Variants in XRCC4 observed in about 807,000 individuals in gnomAD.
XRCC4 encodes X-ray repair cross complementing 4, also known as DNA repair protein XRCC4.
Under a neutral mutation model 39.1 loss-of-function variants are expected in XRCC4, and 28 were observed. That is an observed-to-expected ratio of 0.72 (90% confidence interval 0.53 to 0.98). The LOEUF (loss-of-function observed/expected upper bound fraction) is 0.98. Ranked by LOEUF, XRCC4 falls within the 50% of genes least tolerant of loss-of-function variation. XRCC4 has a pLI of 0.00. For missense variants in XRCC4, 350 were observed against 376.4 expected, an observed-to-expected ratio of 0.93 and a Z score of 0.58; for synonymous variants, 123 against 126.4, an observed-to-expected ratio of 0.97 and a Z score of 0.18.
chr5:83,265,092 T>A (rs1753909455), intron 7 of XRCC4, among the ~76,000 whole-genome samples: 1 of 152,154 alleles, frequency 6.6e-6, no homozygotes, highest in African/African-American at 2.4e-5. Flanking sequence ...AAGAATTTAT[T>A]TTCATACCTT....
intron 7 of XRCC4, among the ~76,000 whole-genome samples, chr5:83,318,040 C>A (rs564492185): frequency 2.2e-5 from 3 of 134,868 alleles, no homozygotes; most frequent in African/African-American, 6.9e-5. Flanking sequence ...GGATGCAAGG[C>A]TGGTTCAGTA....
At chr5:83,274,656 G>T (rs1230898295) in intron 7 of XRCC4, among the ~76,000 whole-genome samples, 1 of 152,136 alleles carries the variant, frequency 6.6e-6, no homozygotes, top group African/African-American at 2.4e-5. Flanking sequence ...CAGGAAATTG[G>T]CATTTAAGCT....
intron 7 of XRCC4, among the ~76,000 whole-genome samples, chr5:83,289,818 GCCTTTGTT>G (rs1414255125): frequency 4.0e-5 from 6 of 151,768 alleles, no homozygotes; most frequent in African/African-American, 1.4e-4. Context: ...TAGAGAATAG[GCCTTTGTT>G]ATGGAGAAAG....
At chr5:83,133,496 A>G (rs1046280131) in intron 3 of XRCC4, among the ~76,000 whole-genome samples, 19 of 152,202 alleles carry the variant, frequency 1.2e-4, no homozygotes, top group Non-Finnish European at 2.4e-4. Flanking sequence ...GGTGGATTCT[A>G]CAGAGCCAGG....
intron 7 of XRCC4, among the ~76,000 whole-genome samples, chr5:83,304,328 C>T (rs914306601): frequency 3.9e-5 from 6 of 152,040 alleles, no homozygotes; most frequent in African/African-American, 7.2e-5. Flanking sequence ...AGTGCCCCAC[C>T]GCACCCAGCC....
intron 3 of XRCC4, among the ~76,000 whole-genome samples, chr5:83,166,587 C>T (rs563761994): frequency 1.3e-5 from 2 of 152,038 alleles, no homozygotes; most frequent in South Asian, 2.1e-4. Context: ...CCTCAGCCTC[C>T]CAAGCAGCTG....
At chr5:83,279,093 T>G (rs1754445046) in intron 7 of XRCC4, among the ~76,000 whole-genome samples, 1 of 146,274 alleles carries the variant, frequency 6.8e-6, no homozygotes, top group South Asian at 2.1e-4. Context: ...TTATAAAATA[T>G]ATATAATATA....
intron 3 of XRCC4, among the ~76,000 whole-genome samples, chr5:83,136,358 C>T (rs1040983788): frequency 6.6e-6 from 1 of 152,200 alleles, no homozygotes; most frequent in Non-Finnish European, 1.5e-5. Context: ...TTCTTGCCCT[C>T]TGCTCTGGCT....
chr5:83,214,546 G>A (rs1390039410), intron 6 of XRCC4, among the ~76,000 whole-genome samples: 1 of 151,848 alleles, frequency 6.6e-6, no homozygotes, highest in Non-Finnish European at 1.5e-5. Context: ...AAAAAATAAG[G>A]AATTGGCCAG....
At chr5:83,095,761 A>T (rs1264459045) in intron 1 of XRCC4, among the ~76,000 whole-genome samples, 10 of 152,124 alleles carry the variant, frequency 6.6e-5, no homozygotes, top group Non-Finnish European at 1.2e-4. Flanking sequence ...GATAGTTCTT[A>T]AATTGCAGTG....
rs570022599 is a variant in XRCC4 at position 83,115,117 on chromosome 5, T to TA, written c.315+3915dup. On this transcript the variant is annotated intron_variant, in intron 3 of 7. Coordinates refer to ENST00000396027, the MANE Select transcript of XRCC4 (RefSeq NM_003401.5). ...CGATTACCTCCCACCATGTTTGTCT[T>TA]ACAACATGTGGGAATTATGGGATCT... Among the ~76,000 whole-genome samples the TA allele has an allele frequency of 8.5e-4, 129 of 152,272 alleles. No individual in the cohort carries two copies. In the Middle Eastern group the frequency reaches 0.01, roughly 12 times the overall value.
chr5:83,127,279 C>T (rs911987642), intron 3 of XRCC4, among the ~76,000 whole-genome samples: 9 of 152,048 alleles, frequency 5.9e-5, no homozygotes, highest in Admixed American at 5.2e-4. Context: ...GGCTATTTCC[C>T]CACCCAAATC....
intron 7 of XRCC4, chr5:83,311,198 T>C (rs1755699090): frequency 5.9e-6 from 1 of 168,096 alleles, no homozygotes; most frequent in African/African-American, 2.4e-5. Flanking sequence ...CCACATTGGC[T>C]GCCATTAGAA....
Position 83,218,116 on chromosome 5 carries a change from C to A in XRCC4, c.745+13195C>A, listed in dbSNP as rs565113544. Among the ~76,000 whole-genome samples the A allele has an allele frequency of 3.3e-5, 5 of 150,094 alleles. No homozygotes were observed. The East Asian group carries it at 9.8e-4, about 29-fold the overall frequency. ...TAAGTTCTAGGGTACATGTGCACAA[C>A]GTGCAGGTTTGTTACATATGTATAC... On this transcript the variant is annotated intron_variant, in intron 6 of 7. Transcript: ENST00000396027.
At chr5:83,243,297 C>T (rs1446246538) in intron 6 of XRCC4, among the ~76,000 whole-genome samples, 2 of 152,152 alleles carry the variant, frequency 1.3e-5, no homozygotes, top group East Asian at 3.9e-4. Flanking sequence ...CAAAATACTA[C>T]AAATTGGGGA....
chr5:83,341,060 T>C (rs543923986), intron 7 of XRCC4, among the ~76,000 whole-genome samples: 1 of 152,262 alleles, frequency 6.6e-6, no homozygotes, highest in South Asian at 2.1e-4. Flanking sequence ...CAGAAGACAC[T>C]AGTTTCTTGG....
intron 7 of XRCC4, among the ~76,000 whole-genome samples, chr5:83,331,389 C>CAT (rs1756433114): frequency 6.6e-6 from 1 of 151,944 alleles, no homozygotes; most frequent in African/African-American, 2.4e-5. Flanking sequence ...GCATTGAATC[C>CAT]ATATATATGG....
intron 7 of XRCC4, among the ~76,000 whole-genome samples, chr5:83,293,522 A>G (rs1018996971): frequency 6.6e-6 from 1 of 151,920 alleles, no homozygotes; most frequent in African/African-American, 2.4e-5. Context: ...TAACCCATCA[A>G]AAGTTACCTC....
chr5:83,141,781 G>T lies in XRCC4; in HGVS notation c.315+30578G>T, dbSNP rs1392334317. Among the ~76,000 whole-genome samples the T allele has an allele frequency of 1.9e-4, 29 of 151,390 alleles. 2 individuals are homozygous for T. The highest frequency in any genetic ancestry group is 1.9e-3 in the Admixed American group (29 of 15,198). On this transcript the variant is annotated intron_variant, in intron 3 of 7. Coordinates refer to ENST00000396027, the MANE Select transcript of XRCC4 (RefSeq NM_003401.5). ...GTATTCATTGTGCTTCTTTGGTGTTGGACTTCCCAAAATATTAATCTGGAA... is the reference window on the plus strand; with the variant it reads ...GTATTCATTGTGCTTCTTTGGTGTTTGACTTCCCAAAATATTAATCTGGAA...
Sources: allele counts gnomAD v4.1 joint callset (sites outside exome capture counted in the v4.1 genomes callset), GRCh38; gene constraint gnomAD v4.1.1; transcripts MANE v1.5; gene names NCBI Gene and HGNC (gene_info 2026-07-23, HGNC 2026-07-21).